ZMYND15: variants seen among roughly 807,000 people sequenced by gnomAD.
ZMYND15 encodes the protein zinc finger MYND-type containing 15, also known as zinc finger MYND domain-containing protein 15.
Under a neutral mutation model 81.7 loss-of-function variants are expected in ZMYND15, and 54 were observed. That is an observed-to-expected ratio of 0.66 (90% confidence interval 0.53 to 0.83). The LOEUF (loss-of-function observed/expected upper bound fraction) is 0.83. Ranked by LOEUF, ZMYND15 falls within the 40% of genes least tolerant of loss-of-function variation. ZMYND15 has a pLI of 0.00. For synonymous variants in ZMYND15, 399 were observed against 387.0 expected, an observed-to-expected ratio of 1.03 and a Z score of -0.36; for missense variants, 925 against 973.5, an observed-to-expected ratio of 0.95 and a Z score of 0.66.
In ZMYND15 at chr17:4,743,234, G is replaced by T; in HGVS notation, c.1145-69G>T. 1.4e-6 allele frequency: 2 copies of T among 1,422,168 alleles called. No homozygotes were observed. The highest frequency in any genetic ancestry group is 1.9e-6 in the Non-Finnish European group (2 of 1,058,864). The allele number at this position is 1,422,168 out of a possible 1,614,324, so 88.1% of individuals were successfully genotyped here. On this transcript the variant is annotated intron_variant, in intron 5 of 13. Transcript: ENST00000433935. The surrounding 1 kb of genome is among the most constrained non-coding windows in gnomAD (Gnocchi z 4.3). ...AGCTTGGGTGATAGAGCAAGACTCT[G>T]TCTCAAAAAAAAAAAAATGTCTGGG...
rs1916352666 is a variant in ZMYND15, at chr17:4,740,615, C to G, written c.67C>G (p.Arg23Gly). ...CACTGCCCTTCTCTTCGGCTGGTTC[C>G]GAAAGTTTGTGGCAGAGCGTGGAGC... ...DFTALLFGWF[R>G]KFVAERGAVG... The change falls in exon 2 of 14, where the codon CGA becomes GGA. Residue 23 changes from arginine to glycine, a missense_variant. Transcript: ENST00000433935. 6.2e-7 allele frequency: 1 copy of G among 1,613,038 alleles called. No homozygotes were observed. The highest frequency in any genetic ancestry group is 8.5e-7 in the Non-Finnish European group (1 of 1,179,488).
intron 1 of ZMYND15, 25 bp from the exon 2 acceptor site, chr17:4,740,489 CCCTCA>C: frequency 6.0e-6 from 9 of 1,510,808 alleles, no homozygotes; most frequent in Non-Finnish European, 8.0e-6. Context: ...GCTCTCCTGT[CCCTCA>C]CCATATATCC....
At position 4,741,593 on chromosome 17, in the gene ZMYND15, CT is replaced by C; in HGVS notation, c.605del (p.Leu202ArgfsTer9). ...RKGQRSEAAPLHVSCLLLVTD... is the reference protein window; with the variant it reads ...RKGQRSEAAPXHVSCLLLVTD... The stretch of plus-strand genomic sequence containing the variant: ...CCCTCTTTCCCCAGAGGCTGCCCCC[CT>C]GCACGTTTCCTGTCTCTTACTTGTG... On this transcript the variant is annotated frameshift_variant, in exon 3 of 14. Transcript: ENST00000433935. LOFTEE classifies it high-confidence loss of function. 5 of 1,614,076 alleles carry C rather than the reference CT, an allele frequency of 3.1e-6. No homozygotes were observed. The highest frequency in any genetic ancestry group is 4.2e-6 in the Non-Finnish European group (5 of 1,179,944).
In ZMYND15 at chr17:4,745,508, C is replaced by T; in HGVS notation, c.2057+133C>T. 1 of 1,066,456 alleles carries T rather than the reference C, an allele frequency of 9.4e-7. No individual in the cohort carries two copies. Among genetic ancestry groups the T allele is most frequent in the Non-Finnish European group, 1.3e-6 (1 of 749,614 alleles). The allele number at this position is 1,066,456 out of a possible 1,614,324, so 66.1% of individuals were successfully genotyped here. On this transcript the variant is annotated intron_variant, in intron 13 of 13. Coordinates refer to ENST00000433935, the MANE Select transcript of ZMYND15 (RefSeq NM_001136046.3). This position sits in a 1 kb window ranked among gnomAD's most constrained non-coding sequence, Gnocchi z 5.2. Reference sequence around the variant, plus strand: ...CTCCTGCCCCCAGCCCAGCAACCTGCCTTCTCTGTCCCCACTACTCGTCGC... The same window carrying T: ...CTCCTGCCCCCAGCCCAGCAACCTGTCTTCTCTGTCCCCACTACTCGTCGC...
In ZMYND15 at chr17:4,744,863, T is replaced by A; in HGVS notation, c.1838-7T>A. 1 of 1,614,088 alleles carries A rather than the reference T, an allele frequency of 6.2e-7. No homozygotes were observed. ...GGAGCCAGCTTCTCCCTCCTCTCTG[T>A]CTGCAGGATTTAACTCCGGGTTTGC... On this transcript the variant is annotated splice_polypyrimidine_tract_variant and splice_region_variant and intron_variant, in intron 11 of 13. Coordinates refer to ENST00000433935, the MANE Select transcript of ZMYND15 (RefSeq NM_001136046.3). This position sits in a 1 kb window ranked among gnomAD's most constrained non-coding sequence, Gnocchi z 4.1.
Position 4,740,706 on chromosome 17 carries a change from A to G in ZMYND15, c.158A>G (p.Asp53Gly). 6.2e-7 allele frequency: 1 copy of G among 1,613,476 alleles called. No homozygotes were observed. Among genetic ancestry groups the G allele is most frequent in the East Asian group, 2.2e-5 (1 of 44,858 alleles). ...GCCCAGATCAGAAGGCTACCCCAGG[A>G]CCCTGCCCTTTGGGTGCTCCATGTC... The part of the protein sequence containing the change: ...LEAQIRRLPQ[D>G]PALWVLHVLP... Residue 53 changes from aspartate to glycine, a missense_variant, in exon 2 of 14, where the codon GAC becomes GGC. Asp to Gly is a moderately conservative substitution (Grantham distance 94, BLOSUM62 -1). Coordinates refer to ENST00000433935, the MANE Select transcript of ZMYND15 (RefSeq NM_001136046.3).
rs752558007 is a variant in ZMYND15 at position 4,741,899 on chromosome 17, C to T, written c.828-16C>T. On this transcript the variant is annotated splice_polypyrimidine_tract_variant and intron_variant, in intron 3 of 13. Transcript: ENST00000433935. ...CTCCTCCAGCCTGATGCCATCTCCC[C>T]CCCAACTGCATTTAGAGAGCTGGAG... 12 of 1,611,972 alleles carry T rather than the reference C, an allele frequency of 7.4e-6. No homozygotes were observed. Among genetic ancestry groups the T allele is most frequent in the Admixed American group, 1.7e-5 (1 of 59,908 alleles).
At chr17:4,741,505 G>C (rs1342635289) in intron 2 of ZMYND15, 77 bp from the exon 3 acceptor site, 35 of 1,513,714 alleles carry the variant, frequency 2.3e-5, no homozygotes, top group Admixed American at 3.4e-5. Flanking sequence ...GTAGGTATTT[G>C]AGTTTGGTAC....
chr17:4,743,944 G>T lies in ZMYND15; in HGVS notation c.1379-47G>T. The T allele has an allele frequency of 6.4e-7, 1 of 1,561,410 alleles. No homozygotes were observed. The highest frequency in any genetic ancestry group is 2.4e-5 in the East Asian group (1 of 42,312). ...GAAGAAGAGGTTTGTTAGACTAGAGGGGGTGGGGGTCCAGGGCCAGGTCCT... is the reference window on the plus strand; with the variant it reads ...GAAGAAGAGGTTTGTTAGACTAGAGTGGGTGGGGGTCCAGGGCCAGGTCCT... On this transcript the variant is annotated intron_variant, in intron 7 of 13. Coordinates refer to ENST00000433935, the MANE Select transcript of ZMYND15 (RefSeq NM_001136046.3). This position sits in a 1 kb window ranked among gnomAD's most constrained non-coding sequence, Gnocchi z 4.3.
chr17:4,742,631 G>A (rs1399634067), intron 5 of ZMYND15, 140 bp downstream of exon 5: 2 of 1,206,808 alleles, frequency 1.7e-6, no homozygotes, highest in Non-Finnish European at 1.1e-6. Flanking sequence ...ACAAGGGCAG[G>A]GGCTGGGTGT....
At chr17:4,742,249 A>G in intron 4 of ZMYND15, 82 bp from the exon 5 acceptor site, 3 of 1,570,444 alleles carry the variant, frequency 1.9e-6, no homozygotes, top group Non-Finnish European at 2.6e-6. Context: ...CGAGTGACAT[A>G]TGGGCAGCTG....
chr17:4,739,858 CGG>C lies in ZMYND15; in HGVS notation c.-222_-221del, dbSNP rs1916299703. The C allele has an allele frequency of 5.8e-5, 57 of 987,076 alleles. No homozygotes were observed. The highest frequency in any genetic ancestry group is 1.4e-4 in the South Asian group (3 of 21,636). 61.1% of individuals were successfully genotyped at this position (987,076 alleles called of 1,614,324 possible). ...AGCCGCGCTGCATGAGCCTCCCGGG[CGG>C]CCCGGTGGAGAGAGTCGCCGCCAGC... is the stretch of plus-strand genomic sequence containing the variant. On this transcript the variant is annotated 5_prime_UTR_variant, in exon 1 of 14. An upstream open reading frame in the 5' UTR gains an earlier in-frame stop. Transcript: ENST00000433935. This position sits in a 1 kb window ranked among gnomAD's most constrained non-coding sequence, Gnocchi z 5.3.
In ZMYND15 at chr17:4,743,291, C is replaced by T. The variant is rs769305667; in HGVS notation, c.1145-12C>T. On this transcript the variant is annotated splice_polypyrimidine_tract_variant and intron_variant, in intron 5 of 13. Coordinates refer to ENST00000433935, the MANE Select transcript of ZMYND15 (RefSeq NM_001136046.3). This position sits in a 1 kb window ranked among gnomAD's most constrained non-coding sequence, Gnocchi z 4.3. ...GCCCAGCACCTCAACTCCTCCCCTT[C>T]TCCTTCTCCAGAGGTGACCAGTGAA... The T allele has an allele frequency of 1.2e-5, 19 of 1,530,380 alleles. No individual in the cohort carries two copies. The highest frequency in any genetic ancestry group is 9.5e-5 in the African/African-American group (7 of 73,702). 94.8% of individuals were successfully genotyped at this position (1,530,380 alleles called of 1,614,324 possible).
rs756132479 is a variant in ZMYND15, at chr17:4,745,782, G to A, written c.2058-37G>A. ...GGGAGCGCCGACCCCTGGGAGTCCC[G>A]CCCCGTGGTCCCTGACTGCGCCCCG... On this transcript the variant is annotated intron_variant, in intron 13 of 13. Coordinates refer to ENST00000433935, the MANE Select transcript of ZMYND15 (RefSeq NM_001136046.3). This position sits in a 1 kb window ranked among gnomAD's most constrained non-coding sequence, Gnocchi z 5.2. 45 of 1,470,288 alleles carry A rather than the reference G, an allele frequency of 3.1e-5. No individual in the cohort carries two copies. Among genetic ancestry groups the A allele is most frequent in the South Asian group, 7.2e-5 (6 of 83,116 alleles). 91.1% of individuals were successfully genotyped at this position (1,470,288 alleles called of 1,614,324 possible). A position where few individuals can be genotyped will look rare whatever the true frequency, so the allele number is the denominator to read the frequency against.
At chr17:4,741,554 C>A in intron 2 of ZMYND15, 28 bp from the exon 3 acceptor site, 1 of 1,612,854 alleles carries the variant, frequency 6.2e-7, no homozygotes. Context: ...CTGCCCCCTA[C>A]CACCTCAACT....
At position 4,743,624 on chromosome 17, in the gene ZMYND15, AC is replaced by A. The variant is rs1331037074; in HGVS notation, c.1298-140del. 51 of 1,264,002 alleles carry A rather than the reference AC, an allele frequency of 4.0e-5. No homozygotes were observed. The highest frequency in any genetic ancestry group is 5.2e-5 in the Non-Finnish European group (48 of 922,950). 78.3% of individuals were successfully genotyped at this position (1,264,002 alleles called of 1,614,324 possible). On this transcript the variant is annotated intron_variant, in intron 6 of 13. Coordinates refer to ENST00000433935, the MANE Select transcript of ZMYND15 (RefSeq NM_001136046.3). This position sits in a 1 kb window ranked among gnomAD's most constrained non-coding sequence, Gnocchi z 4.3. The stretch of plus-strand genomic sequence containing the variant: ...CAATGGAATCACCCCTACCAACTCC[AC>A]CCAGAAACCCCATCCCTATGCAAAC...
chr17:4,743,952 G>A lies in ZMYND15; in HGVS notation c.1379-39G>A, dbSNP rs1482944535. On this transcript the variant is annotated intron_variant, in intron 7 of 13. Coordinates refer to ENST00000433935, the MANE Select transcript of ZMYND15 (RefSeq NM_001136046.3). The surrounding 1 kb of genome is among the most constrained non-coding windows in gnomAD (Gnocchi z 4.3). ...GGTTTGTTAGACTAGAGGGGGTGGG[G>A]GTCCAGGGCCAGGTCCTCTAGCAAC... 3.9e-6 allele frequency: 6 copies of A among 1,557,502 alleles called. No individual in the cohort carries two copies. Among genetic ancestry groups the A allele is most frequent in the Non-Finnish European group, 5.2e-6 (6 of 1,148,084 alleles).
intron 2 of ZMYND15, 139 bp downstream of exon 2, chr17:4,741,279 G>GT (rs112302834): frequency 0.035 from 25,540 of 739,820 alleles, no homozygotes; most frequent in South Asian, 0.049. Flanking sequence ...CCACAGTGGG[G>GT]TTTTTTTTTT....
chr17:4,745,719 C>T lies in ZMYND15; in HGVS notation c.2058-100C>T, dbSNP rs1198543375. The T allele has an allele frequency of 1.5e-6, 1 of 674,008 alleles. No individual in the cohort carries two copies. The highest frequency in any genetic ancestry group is 2.3e-6 in the Non-Finnish European group (1 of 433,878). The allele number at this position is 674,008 out of a possible 1,614,324, so 41.8% of individuals were successfully genotyped here. A position where few individuals can be genotyped will look rare whatever the true frequency, so the allele number is the denominator to read the frequency against. On this transcript the variant is annotated intron_variant, in intron 13 of 13. Coordinates refer to ENST00000433935, the MANE Select transcript of ZMYND15 (RefSeq NM_001136046.3). The surrounding 1 kb of genome is among the most constrained non-coding windows in gnomAD (Gnocchi z 5.2). ...CTGACCGCCCGGTGGAGCCCCGCCCCCTGGTCCCTGACCGCGCCCCTGGGA... is the reference window on the plus strand; with the variant it reads ...CTGACCGCCCGGTGGAGCCCCGCCCTCTGGTCCCTGACCGCGCCCCTGGGA...
Sources: gnomAD v4.1 joint callset for allele counts on GRCh38, gnomAD v4.1.1 for gene constraint, Gnocchi (gnomAD v3.1) non-coding constraint, MANE v1.5 for transcripts, NCBI Gene and HGNC (gene_info 2026-07-23, HGNC 2026-07-21) for gene names.